STK3: variants seen among roughly 807,000 people sequenced by gnomAD.
STK3 encodes the protein serine/threonine kinase 3, also known as serine/threonine-protein kinase 3.
Under a neutral mutation model 58.0 loss-of-function variants are expected in STK3, and 41 were observed. The observed-to-expected ratio is 0.71, with a 90% CI of 0.55 to 0.92. The LOEUF (loss-of-function observed/expected upper bound fraction) is 0.92, where lower values mean the gene tolerates loss of function less well. Ranked by LOEUF, STK3 falls within the 40% of genes least tolerant of loss-of-function variation. The pLI is 0.00. For missense variants in STK3, 479 were observed against 602.7 expected, an observed-to-expected ratio of 0.79 and a Z score of 2.15; for synonymous variants, 170 against 191.0, an observed-to-expected ratio of 0.89 and a Z score of 0.91.
intron 3 of STK3, among the ~76,000 whole-genome samples, chr8:98,407,011 C>T (rs780224529): frequency 6.6e-6 from 1 of 152,174 alleles, no homozygotes; most frequent in Non-Finnish European, 1.5e-5. Context: ...AGGCTATTGG[C>T]TAAAAGGACT....
chr8:98,682,509 C>T (rs867290252), intron 6 of STK3, among the ~76,000 whole-genome samples: 1 of 152,094 alleles, frequency 6.6e-6, no homozygotes, highest in South Asian at 2.1e-4. Context: ...TTATTTCTTA[C>T]CTTGCATTGC....
In STK3 at chr8:98,885,559, C is replaced by T. The variant is rs542282492; in HGVS notation, c.-78-1725G>A. Among the ~76,000 whole-genome samples the T allele has an allele frequency of 5.9e-5, 9 of 152,330 alleles. No homozygotes were observed. The East Asian group carries it at 1.5e-3, about 26-fold the overall frequency. ...GGTTCAAGCGATTCTCCCGCTTCAGCCTCCCAAGTAGCTGGGATTACAGGC... is the reference window on the plus strand; with the variant it reads ...GGTTCAAGCGATTCTCCCGCTTCAGTCTCCCAAGTAGCTGGGATTACAGGC... On this transcript the variant is annotated intron_variant, in intron 1 of 1. Transcript: ENST00000519420.
intron 1 of STK3, among the ~76,000 whole-genome samples, chr8:98,917,591 G>A (rs1839390814): frequency 6.6e-6 from 1 of 152,128 alleles, no homozygotes; most frequent in Admixed American, 6.5e-5. Context: ...TGAGGACATG[G>A]GAAGGACCAG....
intron 1 of STK3, among the ~76,000 whole-genome samples, chr8:98,386,590 TTA>T (rs1211083833): frequency 1.3e-5 from 2 of 152,172 alleles, no homozygotes; most frequent in Non-Finnish European, 2.9e-5. Flanking sequence ...CTAATAGTGG[TTA>T]TATATAAAGG....
intron 4 of STK3, among the ~76,000 whole-genome samples, chr8:98,718,247 A>AGG (rs957120392): frequency 2.6e-5 from 4 of 152,032 alleles, no homozygotes; most frequent in Non-Finnish European, 4.4e-5. Flanking sequence ...AATAAAACTG[A>AGG]GGGGGGGAAA....
chr8:98,891,485 A>G (rs1337815799), intron 1 of STK3, among the ~76,000 whole-genome samples: 2 of 152,222 alleles, frequency 1.3e-5, no homozygotes, highest in Admixed American at 6.5e-5. Flanking sequence ...CTTTAGATGT[A>G]TAACATTTAA....
At chr8:98,740,528 A>G (rs1033281448) in intron 4 of STK3, among the ~76,000 whole-genome samples, 6 of 152,232 alleles carry the variant, frequency 3.9e-5, no homozygotes, top group African/African-American at 1.4e-4. Flanking sequence ...AAAATACTTA[A>G]CAGACAAGCA....
At chr8:98,419,855 A>AT (rs1303002425) in intron 3 of STK3, among the ~76,000 whole-genome samples, 2 of 152,178 alleles carry the variant, frequency 1.3e-5, no homozygotes, top group Admixed American at 6.5e-5. Flanking sequence ...CCTCGAAAGC[A>AT]TCTTTGTGTC....
intron 3 of STK3, among the ~76,000 whole-genome samples, chr8:98,852,013 G>T (rs1028576715): frequency 6.6e-6 from 1 of 151,830 alleles, no homozygotes; most frequent in Non-Finnish European, 1.5e-5. Context: ...AAATGAAAAA[G>T]AAAAAGAAAG....
At chr8:98,344,856 G>A in the STK3 span, among the ~76,000 whole-genome samples, 8 of 124,294 alleles carry the variant, frequency 6.4e-5, no homozygotes, top group South Asian at 2.2e-3. Context: ...TCCCGCCACT[G>A]CACTCCAGCC....
chr8:98,820,981 AAAAATAAT>A (rs1047810657), intron 1 of STK3, among the ~76,000 whole-genome samples: 16 of 152,186 alleles, frequency 1.1e-4, no homozygotes, highest in Admixed American at 2.0e-4. Flanking sequence ...CCACCTCAAA[AAAAATAAT>A]AAAATAATAA....
At chr8:98,667,912 C>T (rs1587234232) in intron 6 of STK3, among the ~76,000 whole-genome samples, 1 of 151,964 alleles carries the variant, frequency 6.6e-6, no homozygotes, top group Admixed American at 6.5e-5. Context: ...TTAAATAGCA[C>T]TTATTTTTAC....
intron 1 of STK3, among the ~76,000 whole-genome samples, chr8:98,885,509 G>A (rs1382634207): frequency 2.6e-5 from 4 of 152,138 alleles, no homozygotes; most frequent in South Asian, 4.1e-4. Context: ...GCGCGATCTC[G>A]GCTCACAGCA....
intron 6 of STK3, among the ~76,000 whole-genome samples, chr8:98,688,644 A>G (rs1165800699): frequency 1.3e-5 from 2 of 152,178 alleles, no homozygotes; most frequent in Non-Finnish European, 2.9e-5. Flanking sequence ...TAAATACATG[A>G]AAACTAAACA....
At chr8:98,450,017 T>C (rs73699905), downstream of STK3, among the ~76,000 whole-genome samples, 4,452 of 152,244 alleles carry the variant, frequency 0.029, 207 homozygotes, top group African/African-American at 0.1. Flanking sequence ...CCAATAAAAC[T>C]CTTTTCTTTA....
downstream of STK3, chr8:98,881,666 T>G (rs988664797): frequency 6.6e-6 from 1 of 152,202 alleles, no homozygotes; most frequent in African/African-American, 2.4e-5. Context: ...CACTCATTTG[T>G]TCTGTAAACC....
rs374122102 is a variant in STK3 at position 98,428,891 on chromosome 8, C to T, written n.483+5236G>A. The T allele has an allele frequency of 6.2e-7, 1 of 1,614,180 alleles. No homozygotes were observed. ...TCCTGAGGCTGATGCGGATCTTCCG[C>T]ATCTTAAAGCTGGCCAGGCACTCCA... is the stretch of plus-strand genomic sequence containing the variant. On this transcript the variant is annotated intron_variant and non_coding_transcript_variant, in intron 3 of 3. Coordinates refer to the STK3 transcript ENST00000517832. The surrounding 1 kb of genome is among the most constrained non-coding windows in gnomAD (Gnocchi z 6.7).
chr8:98,610,525 C>T (rs1047816941), intron 6 of STK3, among the ~76,000 whole-genome samples: 10 of 152,208 alleles, frequency 6.6e-5, no homozygotes, highest in Non-Finnish European at 5.9e-5. Flanking sequence ...TAAAACAGTG[C>T]GGCACACACG....
chr8:98,690,204 C>T (rs1262975694), intron 6 of STK3, among the ~76,000 whole-genome samples: 1 of 151,968 alleles, frequency 6.6e-6, no homozygotes, highest in Non-Finnish European at 1.5e-5. Flanking sequence ...AGCAATAAGG[C>T]AAGAGAAAGA....
Sources: gnomAD v4.1 joint callset for allele counts (sites outside exome capture counted in the v4.1 genomes callset) on GRCh38, gnomAD v4.1.1 for gene constraint, Gnocchi (gnomAD v3.1) non-coding constraint, MANE v1.5 for transcripts, NCBI Gene and HGNC (gene_info 2026-07-23, HGNC 2026-07-21) for gene names.